DLC1: variants seen among roughly 807,000 people sequenced by gnomAD.
The protein encoded by DLC1 is rho GTPase-activating protein 7.
DLC1 carries 54 observed loss-of-function variants against 140.3 expected under a neutral mutation model. The ratio of observed to expected loss-of-function variants is 0.38; its 90% CI spans 0.31 to 0.48. The LOEUF (loss-of-function observed/expected upper bound fraction) is 0.48, where lower values mean the gene tolerates loss of function less well. DLC1 is among the 20% of genes least tolerant of loss of function. The pLI, the probability that DLC1 is intolerant of heterozygous loss-of-function variation, is 0.96. For missense variants in DLC1, 2,536 were observed against 1,907.0 expected, an observed-to-expected ratio of 1.33 and a Z score of -6.14; for synonymous variants, 986 against 728.1, an observed-to-expected ratio of 1.35 and a Z score of -5.70.
intron 1 of DLC1, chr8:13,566,704 G>C (rs1804440529): frequency 2.5e-6 from 1 of 406,384 alleles, no homozygotes; most frequent in Non-Finnish European, 4.4e-6. Context: ...GCACCAAAGA[G>C]AAGCAGGAGT....
chr8:13,530,792 A>T (rs1414867649), intron 1 of DLC1, among the ~76,000 whole-genome samples: 1 of 152,196 alleles, frequency 6.6e-6, no homozygotes, highest in Non-Finnish European at 1.5e-5. Flanking sequence ...TCTAGCTACA[A>T]ATCCAAACTA....
intron 5 of DLC1, chr8:13,132,857 A>G: frequency 6.7e-7 from 1 of 1,497,064 alleles, no homozygotes; most frequent in Middle Eastern, 1.7e-4. Context: ...CCGACTTGAC[A>G]AGGCGGGGTG....
rs1829087244 is a variant in DLC1, at chr8:13,232,350, TTGAGACAGAATCTTGCCC to T, written c.1348+72901_1348+72918del. Among the ~76,000 whole-genome samples the T allele has an allele frequency of 2.6e-5, 4 of 152,158 alleles. No individual in the cohort carries two copies. In the South Asian group the frequency reaches 8.3e-4, roughly 32 times the overall value. Reference sequence around the variant, plus strand: ...ATGATTCTGCTACAGTCTTTTTTTTTTGAGACAGAATCTTGCCCTGTCACCCAGGCTGGTGTGCAGTGG... The same window carrying T: ...ATGATTCTGCTACAGTCTTTTTTTTTTGTCACCCAGGCTGGTGTGCAGTGG... On this transcript the variant is annotated intron_variant, in intron 5 of 17. Transcript: ENST00000276297.
chr8:13,093,295 T>A (rs1407655790), intron 12 of DLC1, among the ~76,000 whole-genome samples: 2 of 152,274 alleles, frequency 1.3e-5, no homozygotes, highest in Non-Finnish European at 2.9e-5. Context: ...GTTCAGTATC[T>A]CTGGAGATTT....
chr8:13,135,172 A>G (rs1347156072), intron 5 of DLC1, among the ~76,000 whole-genome samples: 3 of 151,452 alleles, frequency 2.0e-5, no homozygotes, highest in Non-Finnish European at 4.4e-5. Context: ...TATGTTAAGG[A>G]AAGTCCTTAG....
At chr8:13,322,392 A>G (rs896920230) in intron 4 of DLC1, among the ~76,000 whole-genome samples, 6 of 152,182 alleles carry the variant, frequency 3.9e-5, no homozygotes, top group Non-Finnish European at 7.4e-5. Flanking sequence ...TAGTATTTAT[A>G]TTTGTTTGTA....
At chr8:13,205,535 C>G (rs1827618547) in intron 5 of DLC1, among the ~76,000 whole-genome samples, 1 of 152,016 alleles carries the variant, frequency 6.6e-6, no homozygotes, top group Non-Finnish European at 1.5e-5. Flanking sequence ...TTTGGTTTCC[C>G]TGGGCCACAT....
chr8:13,585,541 A>T (rs1421344900), intron 1 of DLC1, among the ~76,000 whole-genome samples: 1 of 152,226 alleles, frequency 6.6e-6, no homozygotes, highest in Non-Finnish European at 1.5e-5. Flanking sequence ...CTGCTGTAAC[A>T]AAGTGCCACC....
chr8:13,205,859 A>G (rs1176262252), intron 5 of DLC1, among the ~76,000 whole-genome samples: 1 of 152,222 alleles, frequency 6.6e-6, no homozygotes, highest in Non-Finnish European at 1.5e-5. Flanking sequence ...AGTGAAGAGC[A>G]AGAGACCATT....
In DLC1 at chr8:13,401,469, C is replaced by T; in HGVS notation, c.1173+1G>A. On this transcript the variant is annotated splice_donor_variant, in intron 3 of 17. Transcript: ENST00000276297. LOFTEE classifies it high-confidence loss of function. ...AAAGAAGTAGAAAGTGGAAAGCTCA[C>T]AGGAACGTGCCGCCGCAGGTTTGTT... 1 of 1,612,024 alleles carries T rather than the reference C, an allele frequency of 6.2e-7. No homozygotes were observed. Among genetic ancestry groups the T allele is most frequent in the Non-Finnish European group, 8.5e-7 (1 of 1,179,886 alleles).
chr8:13,478,258 A>G (rs1800529925), intron 2 of DLC1, among the ~76,000 whole-genome samples: 1 of 152,024 alleles, frequency 6.6e-6, no homozygotes, highest in Non-Finnish European at 1.5e-5. Flanking sequence ...AGTGAGAGAG[A>G]GAAGGGGGTA....
At chr8:13,601,678 C>G (rs774416475) in intron 1 of DLC1, among the ~76,000 whole-genome samples, 34 of 150,702 alleles carry the variant, frequency 2.3e-4, no homozygotes, top group Non-Finnish European at 4.3e-4. Flanking sequence ...ACAACGACAA[C>G]AAAAAAGGAA....
intron 1 of DLC1, among the ~76,000 whole-genome samples, chr8:13,542,589 T>A (rs1236396489): frequency 6.6e-6 from 1 of 152,188 alleles, no homozygotes; most frequent in African/African-American, 2.4e-5. Flanking sequence ...ATTGATCAAA[T>A]GTCACCTCAA....
chr8:13,133,508 C>T (rs1822312920), intron 5 of DLC1: 2 of 162,286 alleles, frequency 1.2e-5, no homozygotes, highest in African/African-American at 5.0e-5. Context: ...GCCCAGGCCC[C>T]GCCTCTCCTC....
intron 1 of DLC1, among the ~76,000 whole-genome samples, chr8:13,574,977 C>A (rs1310197036): frequency 6.6e-6 from 1 of 152,250 alleles, no homozygotes; most frequent in Non-Finnish European, 1.5e-5. Flanking sequence ...TGAGCTCTCC[C>A]TCAATTTTGC....
chr8:13,270,965 G>C (rs1830909768), intron 5 of DLC1, among the ~76,000 whole-genome samples: 2 of 152,090 alleles, frequency 1.3e-5, no homozygotes, highest in Admixed American at 1.3e-4. Context: ...TATTGGCAAG[G>C]AATGCTGACT....
chr8:13,372,335 G>C (rs928754664), intron 4 of DLC1, among the ~76,000 whole-genome samples: 12 of 152,138 alleles, frequency 7.9e-5, no homozygotes, highest in African/African-American at 2.4e-4. Flanking sequence ...CTTATAGAGA[G>C]AATTGCAATC....
intron 10 of DLC1, 62 bp from the exon 11 acceptor site, chr8:13,095,307 T>C: frequency 2.5e-6 from 4 of 1,599,470 alleles, no homozygotes; most frequent in East Asian, 2.2e-5. Flanking sequence ...TGTCTACACT[T>C]GTCCAATTCT....
At chr8:13,541,460 C>T (rs1385594787) in intron 1 of DLC1, among the ~76,000 whole-genome samples, 1 of 152,146 alleles carries the variant, frequency 6.6e-6, no homozygotes, top group African/African-American at 2.4e-5. Context: ...ACTGGAAATA[C>T]TTTTAACTGT....
Sources: gnomAD v4.1 joint callset for allele counts (sites outside exome capture counted in the v4.1 genomes callset) on GRCh38, gnomAD v4.1.1 for gene constraint, MANE v1.5 for transcripts, NCBI Gene and HGNC (gene_info 2026-07-23, HGNC 2026-07-21) for gene names.